Variants in GRK5 observed in about 807,000 individuals in gnomAD.
GRK5 encodes the protein g protein-coupled receptor kinase GRK5.
In GRK5, 40 loss-of-function variants were observed where a neutral mutation model predicts 78.4. The observed-to-expected ratio is 0.51, with a 90% CI of 0.40 to 0.66. GRK5 has a LOEUF of 0.66. Among genes scored for constraint, GRK5 ranks in the 30% least tolerant of loss-of-function variants. The pLI is 0.00. For synonymous variants in GRK5, 289 were observed against 296.8 expected (o/e 0.97, Z 0.27); for missense variants, 598 against 759.9 (o/e 0.79, Z 2.50).
intron 6 of GRK5, among the ~76,000 whole-genome samples, chr10:119,427,908 G>A (rs1589804905): frequency 1.4e-5 from 2 of 143,826 alleles, no homozygotes; most frequent in African/African-American, 5.7e-5. Context: ...CAGTATCATC[G>A]CCACCGTCAG....
chr10:119,416,874 G>A (rs1381632885), intron 4 of GRK5, among the ~76,000 whole-genome samples: 1 of 152,318 alleles, frequency 6.6e-6, no homozygotes, highest in Admixed American at 6.5e-5. Flanking sequence ...GATTACAGGC[G>A]TGAGCCACCG....
chr10:119,261,189 C>G (rs1849386817), intron 1 of GRK5, among the ~76,000 whole-genome samples: 1 of 146,342 alleles, frequency 6.8e-6, no homozygotes. Flanking sequence ...AACGGGGCGG[C>G]TGCCGGGCGG....
chr10:119,330,226 G>A (rs1409171904), intron 2 of GRK5: 1 of 152,068 alleles, frequency 6.6e-6, no homozygotes, highest in Non-Finnish European at 1.5e-5. Context: ...CAGACTAGGT[G>A]GCTTAAACAA....
intron 1 of GRK5, among the ~76,000 whole-genome samples, chr10:119,291,508 G>GCCTCCT (rs1294494400): frequency 1.5e-5 from 2 of 134,180 alleles, no homozygotes; most frequent in African/African-American, 2.8e-5. Context: ...TGCTGCTGCT[G>GCCTCCT]CCTCCTCCTC....
intron 1 of GRK5, among the ~76,000 whole-genome samples, chr10:119,320,827 G>T (rs554686774): frequency 2.2e-4 from 34 of 152,370 alleles, no homozygotes; most frequent in African/African-American, 8.2e-4. Flanking sequence ...TGGGACCTGA[G>T]CACGGGGGAG....
rs989755751 is a variant in GRK5, at chr10:119,297,566, G to A, written c.53-28950G>A. Among the ~76,000 whole-genome samples, 6 of 152,218 alleles carry A rather than the reference G, an allele frequency of 3.9e-5. 1 individual carries two copies. Among genetic ancestry groups the A allele is most frequent in the African/African-American group, 1.4e-4 (6 of 41,454 alleles). On this transcript the variant is annotated intron_variant, in intron 1 of 15. Coordinates refer to ENST00000392870, the MANE Select transcript of GRK5 (RefSeq NM_005308.3). ...GTAGAACTGGTTAAGAGGTGATTAG[G>A]CCATGAGGGCTCTGCCATTATGAAT...
intron 1 of GRK5, among the ~76,000 whole-genome samples, chr10:119,265,059 A>T (rs1419561214): frequency 1.3e-5 from 2 of 152,154 alleles, no homozygotes; most frequent in Non-Finnish European, 2.9e-5. Flanking sequence ...GCCTCATCTT[A>T]ACCTGTATTG....
chr10:119,259,979 T>G (rs1198462515), intron 1 of GRK5, among the ~76,000 whole-genome samples: 1 of 152,084 alleles, frequency 6.6e-6, no homozygotes, highest in Non-Finnish European at 1.5e-5. Flanking sequence ...CTAAATAATG[T>G]GGTATAACAT....
chr10:119,258,007 C>T (rs980083498), intron 1 of GRK5, among the ~76,000 whole-genome samples: 5 of 152,094 alleles, frequency 3.3e-5, no homozygotes, highest in African/African-American at 7.2e-5. Flanking sequence ...CATAGTTCTG[C>T]GTGTTGTAAC....
rs1157765008 is a variant in GRK5 at position 119,253,569 on chromosome 10, T to G, written c.52+45600T>G. 6.6e-6 allele frequency among the ~76,000 whole-genome samples: 1 copy of G among 152,244 alleles called. No homozygotes were observed. Among genetic ancestry groups the G allele is most frequent in the African/African-American group, 2.4e-5 (1 of 41,466 alleles). On this transcript the variant is annotated intron_variant, in intron 1 of 15. Transcript: ENST00000392870. The surrounding 1 kb of genome is among the most constrained non-coding windows in gnomAD (Gnocchi z 5.7). ...TTGCGGGATGCTGCCCCACCACGGC[T>G]GGAACCAGGGCTTCAGCCCGGCGCA...
intron 2 of GRK5, among the ~76,000 whole-genome samples, chr10:119,361,168 C>T (rs1014499866): frequency 6.6e-6 from 1 of 152,214 alleles, no homozygotes; most frequent in African/African-American, 2.4e-5. Context: ...CCAGCAGGAC[C>T]GGGCAGTGCT....
chr10:119,296,130 T>C (rs1850075902), intron 1 of GRK5, among the ~76,000 whole-genome samples: 1 of 152,196 alleles, frequency 6.6e-6, no homozygotes, highest in African/African-American at 2.4e-5. Flanking sequence ...CAGGCTCTTC[T>C]TATTTTTCTC....
In GRK5 at chr10:119,238,977, C is replaced by T; in HGVS notation, c.52+31008C>T. ...AAGGCATTAGAGAAACGTGATTTTT[C>T]ATTTAATTATATATATAGTTTTCTT... On this transcript the variant is annotated intron_variant, in intron 1 of 15. Coordinates refer to ENST00000392870, the MANE Select transcript of GRK5 (RefSeq NM_005308.3). The surrounding 1 kb of genome is among the most constrained non-coding windows in gnomAD (Gnocchi z 4.7). Among the ~76,000 whole-genome samples, 1 of 152,064 alleles carries T rather than the reference C, an allele frequency of 6.6e-6. No individual in the cohort carries two copies. The highest frequency in any genetic ancestry group is 1.9e-4 in the East Asian group (1 of 5,192).
intron 1 of GRK5, among the ~76,000 whole-genome samples, chr10:119,246,435 A>G (rs1849115415): frequency 6.6e-6 from 1 of 152,144 alleles, no homozygotes. Context: ...ACCTGTGGAT[A>G]GGGAGGGCTG....
intron 2 of GRK5, among the ~76,000 whole-genome samples, chr10:119,377,455 G>A (rs1851643115): frequency 6.6e-6 from 1 of 152,172 alleles, no homozygotes. Context: ...TTGTTTTTGT[G>A]TGTGTGCTTG....
intron 3 of GRK5, among the ~76,000 whole-genome samples, chr10:119,385,831 G>C (rs1317672536): frequency 6.6e-6 from 1 of 152,086 alleles, no homozygotes; most frequent in African/African-American, 2.4e-5. Context: ...TTCAAGCCAG[G>C]CTTCATGAGA....
At chr10:119,420,303 A>G (rs1852541501) in intron 4 of GRK5, among the ~76,000 whole-genome samples, 1 of 150,592 alleles carries the variant, frequency 6.6e-6, no homozygotes, top group Admixed American at 6.7e-5. Flanking sequence ...GGGTCTGTGG[A>G]TAAATTTCAT....
At chr10:119,260,923 C>A (rs1382867210) in intron 1 of GRK5, among the ~76,000 whole-genome samples, 1 of 152,126 alleles carries the variant, frequency 6.6e-6, no homozygotes, top group Non-Finnish European at 1.5e-5. Context: ...CTGTTGGGCA[C>A]ACCTCCCAGA....
At chr10:119,312,787 G>A (rs1850381836) in intron 1 of GRK5, among the ~76,000 whole-genome samples, 1 of 152,246 alleles carries the variant, frequency 6.6e-6, no homozygotes, top group African/African-American at 2.4e-5. Context: ...GTATGTGTGT[G>A]TATGTAGGGC....
Sources: allele counts gnomAD v4.1 joint callset (sites outside exome capture counted in the v4.1 genomes callset), GRCh38; gene constraint gnomAD v4.1.1; non-coding constraint Gnocchi (gnomAD v3.1); transcripts MANE v1.5; gene names NCBI Gene and HGNC (gene_info 2026-07-23, HGNC 2026-07-21).